HIC2: variants seen among roughly 807,000 people sequenced by gnomAD.
HIC2 encodes the protein hypermethylated in cancer 2 protein.
In HIC2, 2 loss-of-function variants were observed where a neutral mutation model predicts 39.5. The ratio of observed to expected loss-of-function variants is 0.05; its 90% CI spans 0.02 to 0.16. The LOEUF is 0.16. Among genes scored for constraint, HIC2 ranks in the 10% least tolerant of loss-of-function variants. The pLI is 1.00. For missense variants in HIC2, 713 were observed against 863.5 expected (o/e 0.83, Z 2.18); for synonymous variants, 399 against 368.8 (o/e 1.08, Z -0.94).
At position 21,450,674 on chromosome 22, in the gene HIC2, C is replaced by G. The variant is rs190368494; in HGVS notation, c.*3931C>G. On this transcript the variant is annotated 3_prime_UTR_variant, in exon 3 of 3. Coordinates refer to ENST00000407464, the MANE Select transcript of HIC2 (RefSeq NM_015094.3). ...CATGCCCCCTAAAGGGACCAAGGTCCTCCTATTTCCCAGAACCCCGTTGGG... is the reference window on the plus strand; with the variant it reads ...CATGCCCCCTAAAGGGACCAAGGTCGTCCTATTTCCCAGAACCCCGTTGGG... The G allele has an allele frequency of 3.3e-5, 5 of 152,904 alleles. No individual in the cohort carries two copies. Among genetic ancestry groups the G allele is most frequent in the East Asian group, 1.9e-4 (1 of 5,306 alleles). 9.5% of individuals were successfully genotyped at this position (152,904 alleles called of 1,614,324 possible).
At position 21,432,506 on chromosome 22, in the gene HIC2, G is replaced by A. The variant is rs1171812116; in HGVS notation, c.-73-10253G>A. ...AGCCTGACCAACATGGAGAAACCCC[G>A]TCTCTACTAAAAATACAAAATTAGC... On this transcript the variant is annotated intron_variant, in intron 1 of 2. Coordinates refer to ENST00000407464, the MANE Select transcript of HIC2 (RefSeq NM_015094.3). Among the ~76,000 whole-genome samples the A allele has an allele frequency of 2.5e-3, 213 of 85,664 alleles. 1 individual carries two copies. Among genetic ancestry groups the A allele is most frequent in the African/African-American group, 0.012 (200 of 16,708 alleles). The allele number at this position is 85,664 out of a possible 152,430, so 56.2% of individuals were successfully genotyped here. A position where few individuals can be genotyped will look rare whatever the true frequency, so the allele number is the denominator to read the frequency against.
At position 21,446,542 on chromosome 22, in the gene HIC2, G is replaced by A. The variant is rs557463312; in HGVS notation, c.1647G>A (p.Thr549=). 70 of 1,613,162 alleles carry A rather than the reference G, an allele frequency of 4.3e-5. No individual in the cohort carries two copies. The South Asian group carries it at 4.5e-4, about 10-fold the overall frequency. The part of the protein sequence containing the change: ...GKMFTQRGTM[T]RHMRSHLGLK... ...TGTTCACGCAGCGCGGCACCATGAC[G>A]CGTCACATGCGGAGCCACCTGGGCC... is the stretch of plus-strand genomic sequence containing the variant. The change falls in exon 3 of 3, where the codon ACG becomes ACA. Residue 549 remains threonine (T), a synonymous_variant. Coordinates refer to ENST00000407464, the MANE Select transcript of HIC2 (RefSeq NM_015094.3).
rs531320841 is a variant in HIC2 at position 21,447,605 on chromosome 22, C to G, written c.*862C>G. 1 of 148,738 alleles carries G rather than the reference C, an allele frequency of 6.7e-6. No homozygotes were observed. The highest frequency in any genetic ancestry group is 2.0e-4 in the East Asian group (1 of 5,098). The allele number at this position is 148,738 out of a possible 1,614,324, so 9.2% of individuals were successfully genotyped here. ...GCTGCCTCAGGGGAGAGTGCTTTTC[C>G]TGTAGTTTCCAAGGAATATTCTTTG... On this transcript the variant is annotated 3_prime_UTR_variant, in exon 3 of 3. Coordinates refer to ENST00000407464, the MANE Select transcript of HIC2 (RefSeq NM_015094.3).
rs373169953 is a variant in HIC2, at chr22:21,445,302, G to A, written c.407G>A (p.Arg136His). 40 of 1,607,186 alleles carry A rather than the reference G, an allele frequency of 2.5e-5. No individual in the cohort carries two copies. Among genetic ancestry groups the A allele is most frequent in the South Asian group, 4.4e-5 (4 of 90,410 alleles). ...LQLPELAALCRRKLKRAGKPF... is the reference protein window; with the variant it reads ...LQLPELAALCHRKLKRAGKPF... ...CTGCCCGAGTTGGCAGCCCTCTGCC[G>A]CCGCAAACTCAAGCGAGCCGGCAAG... The change falls in exon 3 of 3, where the codon CGC becomes CAC. Residue 136 changes from arginine to histidine, a missense_variant. Transcript: ENST00000407464.
intron 1 of HIC2, among the ~76,000 whole-genome samples, chr22:21,438,336 G>A (rs1923475531): frequency 1.3e-5 from 2 of 149,184 alleles, no homozygotes; most frequent in South Asian, 4.3e-4. Flanking sequence ...GGAGGCCAAG[G>A]TTCTAGGCAA....
chr22:21,444,482 G>A (rs1923691035), intron 2 of HIC2, among the ~76,000 whole-genome samples: 1 of 152,248 alleles, frequency 6.6e-6, no homozygotes, highest in Non-Finnish European at 1.5e-5. Context: ...ATTTTTGCCA[G>A]CTTTCAAGAC....
intron 1 of HIC2, among the ~76,000 whole-genome samples, chr22:21,432,542 G>T (rs1601326902): frequency 2.2e-5 from 2 of 89,844 alleles, no homozygotes; most frequent in East Asian, 6.9e-4. Flanking sequence ...CAGGTATGGT[G>T]GTGCACACTT....
rs1468473773 is a variant in HIC2 at position 21,451,306 on chromosome 22, A to G, written c.*4563A>G. ...GAGTTCATGTCCCTTGAGAGTTTGTATAAATTCAGGTCAGAGCTGCAGCTA... is the reference window on the plus strand; with the variant it reads ...GAGTTCATGTCCCTTGAGAGTTTGTGTAAATTCAGGTCAGAGCTGCAGCTA... On this transcript the variant is annotated 3_prime_UTR_variant, in exon 3 of 3. Transcript: ENST00000407464. The G allele has an allele frequency of 6.5e-6, 1 of 152,788 alleles. No individual in the cohort carries two copies. Among genetic ancestry groups the G allele is most frequent in the African/African-American group, 2.4e-5 (1 of 41,446 alleles). The allele number at this position is 152,788 out of a possible 1,614,324, so 9.5% of individuals were successfully genotyped here. A position where few individuals can be genotyped will look rare whatever the true frequency, so the allele number is the denominator to read the frequency against.
Position 21,421,620 on chromosome 22 carries a change from C to T in HIC2, c.-74+4060C>T, listed in dbSNP as rs1483704045. Among the ~76,000 whole-genome samples, 6 of 91,486 alleles carry T rather than the reference C, an allele frequency of 6.6e-5. 2 individuals are homozygous for T. Among genetic ancestry groups the T allele is most frequent in the Non-Finnish European group, 1.9e-4 (6 of 31,360 alleles). 60.0% of individuals were successfully genotyped at this position (91,486 alleles called of 152,430 possible). ...AGAACAGGGGGACTTGGGGGTCCTT[C>T]TAATGGTGAGAGGGAACAGGGATGG... On this transcript the variant is annotated intron_variant, in intron 1 of 2. Coordinates refer to ENST00000407464, the MANE Select transcript of HIC2 (RefSeq NM_015094.3).
rs1388368744 is a variant in HIC2, at chr22:21,447,651, A to G, written c.*908A>G. On this transcript the variant is annotated 3_prime_UTR_variant, in exon 3 of 3. Coordinates refer to ENST00000407464, the MANE Select transcript of HIC2 (RefSeq NM_015094.3). ...CTTTGTTTAGAGGTACTTGTTTTTT[A>G]TTAAGAGAAAAACCAGTGTAACGTT... 1.4e-5 allele frequency: 2 copies of G among 144,312 alleles called. No individual in the cohort carries two copies. Among genetic ancestry groups the G allele is most frequent in the African/African-American group, 5.2e-5 (2 of 38,176 alleles). The allele number at this position is 144,312 out of a possible 1,614,324, so 8.9% of individuals were successfully genotyped here.
At position 21,447,199 on chromosome 22, in the gene HIC2, A is replaced by G. The variant is rs533894929; in HGVS notation, c.*456A>G. The G allele has an allele frequency of 2.6e-4, 45 of 172,420 alleles. No individual in the cohort carries two copies. Among genetic ancestry groups the G allele is most frequent in the Non-Finnish European group, 4.1e-4 (33 of 79,586 alleles). The allele number at this position is 172,420 out of a possible 1,614,324, so 10.7% of individuals were successfully genotyped here. ...GCGTGCAGCCCTGGTTCTGCAGGGAACAGGTGCTGGGGGTGCAGATCCCTC... is the reference window on the plus strand; with the variant it reads ...GCGTGCAGCCCTGGTTCTGCAGGGAGCAGGTGCTGGGGGTGCAGATCCCTC... On this transcript the variant is annotated 3_prime_UTR_variant, in exon 3 of 3. Transcript: ENST00000407464.
chr22:21,445,973 C>G lies in HIC2; in HGVS notation c.1078C>G (p.Pro360Ala). The change falls in exon 3 of 3, where the codon CCC (proline) becomes GCC (alanine). Residue 360 changes from proline (P) to alanine (A), a missense_variant. Physicochemically the swap from Pro to Ala is conservative, Grantham distance 27. This residue lies in a region of HIC2 where 457 missense variants were observed against 420.2 expected (regional missense o/e 1.09). Coordinates refer to ENST00000407464, the MANE Select transcript of HIC2 (RefSeq NM_015094.3). Reference protein sequence around the residue: ...FERREAGPKGPCPGEEGEGVG... With the variant: ...FERREAGPKGACPGEEGEGVG... ...GCGGAGAGAAGCAGGGCCCAAGGGT[C>G]CCTGCCCGGGAGAGGAGGGTGAGGG... 3 of 1,561,154 alleles carry G rather than the reference C, an allele frequency of 1.9e-6. No individual in the cohort carries two copies. The highest frequency in any genetic ancestry group is 2.6e-6 in the Non-Finnish European group (3 of 1,156,598).
rs1162535647 is a variant in HIC2, at chr22:21,447,155, T to G, written c.*412T>G. On this transcript the variant is annotated 3_prime_UTR_variant, in exon 3 of 3. Transcript: ENST00000407464. ...GGCCGTGTCTGTGTGTGTGCACGTGTGCTTGTGTCTGTGCGGGCGCGTGCA... is the reference window on the plus strand; with the variant it reads ...GGCCGTGTCTGTGTGTGTGCACGTGGGCTTGTGTCTGTGCGGGCGCGTGCA... The G allele has an allele frequency of 4.8e-6, 1 of 207,592 alleles. No individual in the cohort carries two copies. The highest frequency in any genetic ancestry group is 9.9e-6 in the Non-Finnish European group (1 of 101,486). The allele number at this position is 207,592 out of a possible 1,614,324, so 12.9% of individuals were successfully genotyped here.
In HIC2 at chr22:21,448,371, C is replaced by T. The variant is rs1164337732; in HGVS notation, c.*1628C>T. 6.5e-6 allele frequency: 1 copy of T among 152,788 alleles called. No individual in the cohort carries two copies. Among genetic ancestry groups the T allele is most frequent in the Non-Finnish European group, 1.5e-5 (1 of 68,078 alleles). The allele number at this position is 152,788 out of a possible 1,614,324, so 9.5% of individuals were successfully genotyped here. On this transcript the variant is annotated 3_prime_UTR_variant, in exon 3 of 3. Coordinates refer to ENST00000407464, the MANE Select transcript of HIC2 (RefSeq NM_015094.3). ...CCCCCGGCCACTGTCTCGGGGCCCA[C>T]CTCTCGCCCCTCATCTTGGTAATTA...
At position 21,447,757 on chromosome 22, in the gene HIC2, CTT is replaced by C. The variant is rs1035581764; in HGVS notation, c.*1015_*1016del. 24 of 152,408 alleles carry C rather than the reference CTT, an allele frequency of 1.6e-4. No individual in the cohort carries two copies. Among genetic ancestry groups the C allele is most frequent in the African/African-American group, 5.3e-4 (22 of 41,344 alleles). The allele number at this position is 152,408 out of a possible 1,614,324, so 9.4% of individuals were successfully genotyped here. On this transcript the variant is annotated 3_prime_UTR_variant, in exon 3 of 3. Transcript: ENST00000407464. ...ACTCAATGCCGGGGCCGTCGGTACT[CTT>C]GTTTTCATTTGTGTGTGCGTGCGTG...
intron 1 of HIC2, among the ~76,000 whole-genome samples, chr22:21,432,624 C>T (rs1288209914): frequency 1.1e-4 from 13 of 122,618 alleles, no homozygotes; most frequent in Non-Finnish European, 1.3e-4. Flanking sequence ...TGCGGTGAGC[C>T]GAGATTGCAC....
At chr22:21,444,852 C>A in intron 2 of HIC2, 70 bp from the exon 3 acceptor site, 2 of 1,531,940 alleles carry the variant, frequency 1.3e-6, no homozygotes, top group Non-Finnish European at 8.8e-7. Context: ...CGTCGAGCCC[C>A]ACCCTGCCCC....
Position 21,446,203 on chromosome 22 carries a change from C to T in HIC2, c.1308C>T (p.Ser436=). ...GGCAGGAGGGCTACGAGACGGTGTCCTACGGGGACAACTTGTATGTGTGCA... is the reference window on the plus strand; with the variant it reads ...GGCAGGAGGGCTACGAGACGGTGTCTTACGGGGACAACTTGTATGTGTGCA... ...MYRQEGYETV[S]YGDNLYVCIP... The change falls in exon 3 of 3, where the codon TCC becomes TCT. Residue 436 remains serine, a synonymous_variant. Coordinates refer to ENST00000407464, the MANE Select transcript of HIC2 (RefSeq NM_015094.3). 1 of 1,611,806 alleles carries T rather than the reference C, an allele frequency of 6.2e-7. No individual in the cohort carries two copies. The highest frequency in any genetic ancestry group is 8.5e-7 in the Non-Finnish European group (1 of 1,180,002).
Position 21,446,112 on chromosome 22 carries a change from G to A in HIC2, c.1217G>A (p.Ser406Asn). The change falls in exon 3 of 3, where the codon AGT (serine) becomes AAT (asparagine). Residue 406 changes from serine to asparagine, a missense_variant. Around this residue, in one of 5 missense-constraint regions of HIC2, gnomAD observed 457 missense variants for 420.2 expected, o/e 1.09. Coordinates refer to ENST00000407464, the MANE Select transcript of HIC2 (RefSeq NM_015094.3). The stretch of plus-strand genomic sequence containing the variant: ...GAGGAGGAGAACGGCAAGGATGCAA[G>A]TGAAGACAGTGCGCAGAGCGGGAGC... ...KEEEENGKDA[S>N]EDSAQSGSEG... 1.2e-6 allele frequency: 2 copies of A among 1,608,282 alleles called. No individual in the cohort carries two copies. The highest frequency in any genetic ancestry group is 1.6e-4 in the Middle Eastern group (1 of 6,062).
Sources: gnomAD v4.1 joint callset for allele counts (sites outside exome capture counted in the v4.1 genomes callset) on GRCh38, gnomAD v4.1.1 for gene constraint, gnomAD v4.1.1 regional missense constraint, MANE v1.5 for transcripts, NCBI Gene and HGNC (gene_info 2026-07-23, HGNC 2026-07-21) for gene names.